The following MYRIP variants were observed in gnomAD, a reference collection of about 807,000 sequenced individuals.
MYRIP encodes the protein myosin VIIA and Rab interacting protein.
Under a neutral mutation model 98.0 loss-of-function variants are expected in MYRIP, and 49 were observed. That is an observed-to-expected ratio of 0.50 (90% CI 0.40 to 0.63). The LOEUF is 0.63. Among genes scored for constraint, MYRIP ranks in the 30% least tolerant of loss-of-function variants. The probability of loss-of-function intolerance (pLI) is 0.00; values close to 1 mark genes in which losing one functional copy is unlikely to be tolerated. For synonymous variants in MYRIP, 404 were observed against 409.5 expected (o/e 0.99, Z 0.16); for missense variants, 1,004 against 1,058.2 (o/e 0.95, Z 0.71).
chr3:40,136,210 C>CA (rs893408875), intron 3 of MYRIP, among the ~76,000 whole-genome samples: 1 of 151,580 alleles, frequency 6.6e-6, no homozygotes, highest in African/African-American at 2.4e-5. Context: ...AAATGGAAAA[C>CA]AAAAAAAGGC....
At chr3:40,254,206 G>A (rs1953494121) in intron 16 of MYRIP, among the ~76,000 whole-genome samples, 1 of 152,164 alleles carries the variant, frequency 6.6e-6, no homozygotes, top group African/African-American at 2.4e-5. Context: ...GCACACAGGA[G>A]ACAGGTCTAT....
At position 40,190,606 on chromosome 3, in the gene MYRIP, G is replaced by A. The variant is rs1315398991; in HGVS notation, c.1665+143G>A. On this transcript the variant is annotated intron_variant, in intron 10 of 16. Coordinates refer to ENST00000302541, the MANE Select transcript of MYRIP (RefSeq NM_015460.4). ...TGGTTTTGCAGCTAAGTAGCTGAGT[G>A]CCTCTAGACAGGTCACATCAACTCT... is the stretch of plus-strand genomic sequence containing the variant. The A allele has an allele frequency of 3.7e-6, 5 of 1,361,186 alleles. No individual in the cohort carries two copies. The African/African-American group carries it at 7.4e-5, about 20-fold the overall frequency. 84.3% of individuals were successfully genotyped at this position (1,361,186 alleles called of 1,614,324 possible). A position where few individuals can be genotyped will look rare whatever the true frequency, so the allele number is the denominator to read the frequency against.
intron 11 of MYRIP, among the ~76,000 whole-genome samples, chr3:40,222,179 C>A (rs1462671314): frequency 2.6e-5 from 4 of 152,206 alleles, no homozygotes; most frequent in African/African-American, 9.6e-5. Flanking sequence ...GTGCCCAGAG[C>A]AGCAGCTCAG....
intron 11 of MYRIP, among the ~76,000 whole-genome samples, chr3:40,216,431 G>T (rs1002577936): frequency 6.6e-6 from 1 of 151,968 alleles, no homozygotes; most frequent in Non-Finnish European, 1.5e-5. Context: ...AACATCTCTG[G>T]GTAGAAAATA....
At chr3:40,061,052 C>T (rs1948004087) in intron 3 of MYRIP, among the ~76,000 whole-genome samples, 1 of 152,086 alleles carries the variant, frequency 6.6e-6, no homozygotes, top group Admixed American at 6.6e-5. Context: ...AAAAGCCCTA[C>T]TTTTTGATGG....
intron 2 of MYRIP, among the ~76,000 whole-genome samples, chr3:39,926,153 T>G (rs1277145564): frequency 6.6e-6 from 1 of 152,158 alleles, no homozygotes; most frequent in Non-Finnish European, 1.5e-5. Context: ...TGTCTATTCA[T>G]GTCCTTTGCC....
In MYRIP at chr3:39,985,429, C is replaced by A. The variant is rs1453526190; in HGVS notation, c.111-58621C>A. ...TGCCATCCCCATCAAGCTACCAATG[C>A]CTTTCTTCACAGAATTGGAAAAAAC... is the stretch of plus-strand genomic sequence containing the variant. On this transcript the variant is annotated intron_variant, in intron 2 of 16. Coordinates refer to ENST00000302541, the MANE Select transcript of MYRIP (RefSeq NM_015460.4). Among the ~76,000 whole-genome samples the A allele has an allele frequency of 3.3e-4, 38 of 115,456 alleles. No homozygotes were observed. In the South Asian group the frequency reaches 4.9e-3, roughly 15 times the overall value. The allele number at this position is 115,456 out of a possible 152,430, so 75.7% of individuals were successfully genotyped here.
chr3:39,911,362 T>C (rs1242683130), intron 2 of MYRIP, among the ~76,000 whole-genome samples: 1 of 152,322 alleles, frequency 6.6e-6, no homozygotes, highest in South Asian at 2.1e-4. Flanking sequence ...AGTTACTAAT[T>C]TGGAGATTCA....
intron 3 of MYRIP, among the ~76,000 whole-genome samples, chr3:40,067,125 G>C (rs994445639): frequency 1.3e-5 from 2 of 152,080 alleles, no homozygotes; most frequent in East Asian, 3.9e-4. Flanking sequence ...ATAAGCATTT[G>C]CTATTGATTG....
chr3:39,958,365 A>G (rs772780637), intron 2 of MYRIP, among the ~76,000 whole-genome samples: 8 of 152,228 alleles, frequency 5.3e-5, no homozygotes, highest in Non-Finnish European at 1.0e-4. Flanking sequence ...AGCCCTCAGA[A>G]ATAATGCCAC....
rs1330981403 is a variant in MYRIP at position 40,260,142 on chromosome 3, AATATTT to A, written c.*1984_*1989del. On this transcript the variant is annotated 3_prime_UTR_variant, in exon 17 of 17. Coordinates refer to ENST00000302541, the MANE Select transcript of MYRIP (RefSeq NM_015460.4). ...TCAAGTGATTTTGATCTTTAGTGTC[AATATTT>A]ATATTTAGATTAATTTTTATAAATG... 1 of 152,608 alleles carries A rather than the reference AATATTT, an allele frequency of 6.6e-6. No individual in the cohort carries two copies. Among genetic ancestry groups the A allele is most frequent in the Non-Finnish European group, 1.5e-5 (1 of 68,042 alleles). 9.5% of individuals were successfully genotyped at this position (152,608 alleles called of 1,614,324 possible). A position where few individuals can be genotyped will look rare whatever the true frequency, so the allele number is the denominator to read the frequency against.
In MYRIP at chr3:39,848,005, T is replaced by C. The variant is rs141963346; in HGVS notation, c.-31+38089T>C. On this transcript the variant is annotated intron_variant, in intron 1 of 16. Coordinates refer to ENST00000302541, the MANE Select transcript of MYRIP (RefSeq NM_015460.4). ...GTAAGCACCTTCCTGCCCTCCAAAA[T>C]TGTAATACCGTTGAAGGCTAGAGGG... Among the ~76,000 whole-genome samples the C allele has an allele frequency of 2.4e-3, 369 of 152,254 alleles. 3 individuals carry two copies. The highest frequency in any genetic ancestry group is 8.4e-3 in the African/African-American group (347 of 41,540).
chr3:40,169,847 T>A, intron 7 of MYRIP, 103 bp from the exon 8 acceptor site: 2 of 1,408,376 alleles, frequency 1.4e-6, no homozygotes. Context: ...GAAATTAAGC[T>A]TATAAGTGGC....
chr3:40,242,177 A>T (rs1953039082), intron 12 of MYRIP: 1 of 152,230 alleles, frequency 6.6e-6, no homozygotes, highest in African/African-American at 2.4e-5. Flanking sequence ...TGATTATAAT[A>T]GTCTCTACCT....
At chr3:40,093,795 T>C (rs894401265) in intron 3 of MYRIP, among the ~76,000 whole-genome samples, 2 of 152,218 alleles carry the variant, frequency 1.3e-5, no homozygotes, top group South Asian at 2.1e-4. Context: ...AAACCAGCAA[T>C]AGCAATTTGC....
intron 3 of MYRIP, among the ~76,000 whole-genome samples, chr3:40,059,505 G>C (rs1010117259): frequency 2.0e-5 from 3 of 152,058 alleles, no homozygotes; most frequent in African/African-American, 7.2e-5. Context: ...TCTTGTTGTG[G>C]TTTTGATTTG....
intron 2 of MYRIP, among the ~76,000 whole-genome samples, chr3:40,019,447 G>T (rs751626266): frequency 8.5e-5 from 13 of 152,100 alleles, no homozygotes; most frequent in Admixed American, 2.0e-4. Flanking sequence ...AAGCAGCGAT[G>T]CTTCTGTAAA....
intron 3 of MYRIP, among the ~76,000 whole-genome samples, chr3:40,096,820 C>G (rs569445940): frequency 1.3e-5 from 2 of 152,296 alleles, no homozygotes; most frequent in South Asian, 4.2e-4. Context: ...ACTTTCTTCA[C>G]CAGGCAAAAT....
chr3:39,835,008 A>G (rs1301658023), intron 1 of MYRIP, among the ~76,000 whole-genome samples: 1 of 152,218 alleles, frequency 6.6e-6, no homozygotes, highest in Non-Finnish European at 1.5e-5. Context: ...CAATTCGTAG[A>G]GGGGACAGTG....
Sources: allele counts gnomAD v4.1 joint callset (sites outside exome capture counted in the v4.1 genomes callset), GRCh38; gene constraint gnomAD v4.1.1; transcripts MANE v1.5; gene names NCBI Gene and HGNC (gene_info 2026-07-23, HGNC 2026-07-21).